Variants in CAMK4 observed in about 807,000 individuals in gnomAD.
CAMK4 encodes calcium/calmodulin-dependent protein kinase type IV.
CAMK4 carries 22 observed loss-of-function variants against 44.9 expected under a neutral mutation model. The ratio of observed to expected loss-of-function variants is 0.49; its 90% CI spans 0.35 to 0.70. The LOEUF (loss-of-function observed/expected upper bound fraction) is 0.70, where lower values mean the gene tolerates loss of function less well. Ranked by LOEUF, CAMK4 falls within the 30% of genes least tolerant of loss-of-function variation. CAMK4 has a pLI of 0.01. For synonymous variants in CAMK4, 218 were observed against 215.4 expected (o/e 1.01, Z -0.11); for missense variants, 498 against 586.8 (o/e 0.85, Z 1.56).
intron 1 of CAMK4, among the ~76,000 whole-genome samples, chr5:111,238,504 C>T (rs1476405086): frequency 6.6e-6 from 1 of 151,868 alleles, no homozygotes; most frequent in African/African-American, 2.4e-5. Context: ...ACCACACTGG[C>T]ACCCGATTGC....
chr5:111,399,191 G>A (rs1010534281), intron 5 of CAMK4, among the ~76,000 whole-genome samples: 1 of 152,038 alleles, frequency 6.6e-6, no homozygotes, highest in African/African-American at 2.4e-5. Context: ...AGCTACACTG[G>A]CCTTGTTTTC....
In CAMK4 at chr5:111,397,649, CTGTGTGTGTG is replaced by C. The variant is rs3066726; in HGVS notation, c.459+2901_459+2910del. Among the ~76,000 whole-genome samples, 766 of 88,558 alleles carry C rather than the reference CTGTGTGTGTG, an allele frequency of 8.6e-3. 2 individuals carry two copies. Among genetic ancestry groups the C allele is most frequent in the African/African-American group, 0.031 (736 of 23,446 alleles). 58.1% of individuals were successfully genotyped at this position (88,558 alleles called of 152,430 possible). On this transcript the variant is annotated intron_variant, in intron 5 of 10. Coordinates refer to ENST00000282356, the MANE Select transcript of CAMK4 (RefSeq NM_001744.6). Reference sequence around the variant, plus strand: ...CAGGTAATATCCTCAAGTCAGCATGCTGTGTGTGTGTGTGTGTGTGTGTGTGTGTGTGTGT... The same window carrying C: ...CAGGTAATATCCTCAAGTCAGCATGCTGTGTGTGTGTGTGTGTGTGTGTGT...
intron 1 of CAMK4, among the ~76,000 whole-genome samples, chr5:111,282,150 A>G (rs1751050387): frequency 6.6e-6 from 1 of 152,218 alleles, no homozygotes; most frequent in South Asian, 2.1e-4. Flanking sequence ...TCAAAGAGAA[A>G]GTCAAAAGAC....
At chr5:111,411,235 A>C (rs896252174) in intron 5 of CAMK4, among the ~76,000 whole-genome samples, 2 of 152,182 alleles carry the variant, frequency 1.3e-5, no homozygotes, top group South Asian at 4.1e-4. Flanking sequence ...GTTAGCATCC[A>C]GCATCTTATT....
At chr5:111,444,041 A>G (rs993180354) in intron 5 of CAMK4, among the ~76,000 whole-genome samples, 2 of 151,948 alleles carry the variant, frequency 1.3e-5, no homozygotes, top group East Asian at 1.9e-4. Context: ...TACCTTCATT[A>G]CCTTCCTTTC....
At chr5:111,303,756 T>A (rs931201869) in intron 1 of CAMK4, among the ~76,000 whole-genome samples, 119 of 148,542 alleles carry the variant, frequency 8.0e-4, no homozygotes, top group Admixed American at 2.1e-3. Context: ...GCCACAGAGA[T>A]ACTCCTCGAG....
Position 111,487,486 on chromosome 5 carries a change from A to T in CAMK4, c.*3020A>T, listed in dbSNP as rs1418708374. The T allele has an allele frequency of 6.6e-6, 1 of 152,196 alleles. No individual in the cohort carries two copies. Among genetic ancestry groups the T allele is most frequent in the Admixed American group, 6.5e-5 (1 of 15,276 alleles). 9.4% of individuals were successfully genotyped at this position (152,196 alleles called of 1,614,324 possible). A position where few individuals can be genotyped will look rare whatever the true frequency, so the allele number is the denominator to read the frequency against. ...GTGGTAGAAGTTAATTGTCCAGAACAAGTGCATTATATAAATATAATGCAA... is the reference window on the plus strand; with the variant it reads ...GTGGTAGAAGTTAATTGTCCAGAACTAGTGCATTATATAAATATAATGCAA... On this transcript the variant is annotated 3_prime_UTR_variant, in exon 11 of 11. Transcript: ENST00000282356.
intron 2 of CAMK4, among the ~76,000 whole-genome samples, chr5:111,358,355 A>ACC (rs1750454020): frequency 6.6e-6 from 1 of 152,022 alleles, no homozygotes; most frequent in Non-Finnish European, 1.5e-5. Context: ...ATGCAGTATG[A>ACC]ACACAGGTGT....
In CAMK4 at chr5:111,265,413, T is replaced by G. The variant is rs180828932; in HGVS notation, c.161+40769T>G. 6.0e-3 allele frequency among the ~76,000 whole-genome samples: 909 copies of G among 152,302 alleles called. 29 individuals are homozygous for G. The highest frequency in any genetic ancestry group is 0.052 in the Admixed American group (798 of 15,296). Reference sequence around the variant, plus strand: ...CCATCTTTTAGGATTTAAATTTAACTTTTGTCTGAAGTATCAAGATAAGTT... The same window carrying G: ...CCATCTTTTAGGATTTAAATTTAACGTTTGTCTGAAGTATCAAGATAAGTT... On this transcript the variant is annotated intron_variant, in intron 1 of 10. Transcript: ENST00000282356.
chr5:111,253,435 G>A (rs1227287126), intron 1 of CAMK4, among the ~76,000 whole-genome samples: 1 of 152,166 alleles, frequency 6.6e-6, no homozygotes, highest in Non-Finnish European at 1.5e-5. Context: ...TGCTGCAACA[G>A]ATGGTCAGCA....
At position 111,482,948 on chromosome 5, in the gene CAMK4, A is replaced by T; in HGVS notation, c.981+11A>T. On this transcript the variant is annotated intron_variant, in intron 10 of 10. Transcript: ENST00000282356. The surrounding 1 kb of genome is among the most constrained non-coding windows in gnomAD (Gnocchi z 4.9). ...CGGCGTAAGCTTAAGGTAAGATAGC[A>T]TATATTTTGTTTTGTTTTGTTTTGT... The T allele has an allele frequency of 1.0e-5, 16 of 1,585,084 alleles. No individual in the cohort carries two copies. The highest frequency in any genetic ancestry group is 1.4e-5 in the Non-Finnish European group (16 of 1,170,650).
chr5:111,458,898 G>A (rs1754535851), intron 7 of CAMK4, among the ~76,000 whole-genome samples: 1 of 152,146 alleles, frequency 6.6e-6, no homozygotes, highest in African/African-American at 2.4e-5. Flanking sequence ...GAAAATAGTA[G>A]ATAGGAGAGG....
intron 2 of CAMK4, among the ~76,000 whole-genome samples, chr5:111,352,128 A>C (rs1750135668): frequency 6.6e-6 from 1 of 152,096 alleles, no homozygotes; most frequent in African/African-American, 2.4e-5. Flanking sequence ...CTTCAATGTG[A>C]ATTTTCAGGG....
intron 7 of CAMK4, among the ~76,000 whole-genome samples, chr5:111,465,463 T>C (rs566453491): frequency 6.6e-6 from 1 of 152,006 alleles, no homozygotes; most frequent in Non-Finnish European, 1.5e-5. Context: ...ATTAGCAAGA[T>C]AGACCAAGAA....
intron 1 of CAMK4, among the ~76,000 whole-genome samples, chr5:111,330,082 A>T (rs1225367262): frequency 8.5e-6 from 1 of 118,106 alleles, no homozygotes; most frequent in African/African-American, 2.8e-5. Flanking sequence ...TCAGAATTCT[A>T]CTCCCCACCA....
chr5:111,289,560 C>G (rs1170681123), intron 1 of CAMK4, among the ~76,000 whole-genome samples: 1 of 152,202 alleles, frequency 6.6e-6, no homozygotes, highest in Non-Finnish European at 1.5e-5. Context: ...CAAGTAATCT[C>G]AAGGCTGTAT....
In CAMK4 at chr5:111,459,686, C is replaced by CTTTTTTTTTTTTTTTTTTTTTTTTTTT. The variant is rs56176713; in HGVS notation, c.625+10509_625+10510insTTTTTTTTTTTTTTTTTTTTTTTTTTT. On this transcript the variant is annotated intron_variant, in intron 7 of 10. Coordinates refer to ENST00000282356, the MANE Select transcript of CAMK4 (RefSeq NM_001744.6). ...TGTTCTCTTTGAGTTTAGAGACAGTCTTTTTTTTTTTTTTTTTTTTTTTTT... is the reference window on the plus strand; with the variant it reads ...TGTTCTCTTTGAGTTTAGAGACAGTCTTTTTTTTTTTTTTTTTTTTTTTTTTTTTTTTTTTTTTTTTTTTTTTTTTTT... Among the ~76,000 whole-genome samples, 2 of 86,690 alleles carry CTTTTTTTTTTTTTTTTTTTTTTTTTTT rather than the reference C, an allele frequency of 2.3e-5. 1 individual carries two copies. Among genetic ancestry groups the CTTTTTTTTTTTTTTTTTTTTTTTTTTT allele is most frequent in the African/African-American group, 1.0e-4 (2 of 20,100 alleles). The allele number at this position is 86,690 out of a possible 152,430, so 56.9% of individuals were successfully genotyped here. A position where few individuals can be genotyped will look rare whatever the true frequency, so the allele number is the denominator to read the frequency against.
chr5:111,273,756 CAT>C (rs1454771940), intron 1 of CAMK4, among the ~76,000 whole-genome samples: 2 of 142,860 alleles, frequency 1.4e-5, no homozygotes, highest in African/African-American at 2.5e-5. Context: ...CTCACACACA[CAT>C]ACACACACAC....
At chr5:111,474,071 A>C (rs1366582295) in intron 8 of CAMK4, among the ~76,000 whole-genome samples, 3 of 152,166 alleles carry the variant, frequency 2.0e-5, no homozygotes, top group Non-Finnish European at 4.4e-5. Context: ...AGCGTCTGAG[A>C]TGGAAGAATA....
Sources: allele counts gnomAD v4.1 joint callset (sites outside exome capture counted in the v4.1 genomes callset), GRCh38; gene constraint gnomAD v4.1.1; non-coding constraint Gnocchi (gnomAD v3.1); transcripts MANE v1.5; gene names NCBI Gene and HGNC (gene_info 2026-07-23, HGNC 2026-07-21).